TMEM87B: variants seen among roughly 807,000 people sequenced by gnomAD.
TMEM87B encodes the protein transmembrane protein 87B.
In TMEM87B, 83 loss-of-function variants were observed where a neutral mutation model predicts 80.3. The ratio of observed to expected loss-of-function variants is 1.03; its 90% confidence interval spans 0.87 to 1.24. The LOEUF (loss-of-function observed/expected upper bound fraction) is 1.24, where lower values mean the gene tolerates loss of function less well. Ranked by LOEUF, TMEM87B falls within the 50% of genes most tolerant of loss-of-function variation. TMEM87B has a pLI of 0.00. For missense variants in TMEM87B, 625 were observed against 674.4 expected, an observed-to-expected ratio of 0.93 and a Z score of 0.81; for synonymous variants, 219 against 230.5, an observed-to-expected ratio of 0.95 and a Z score of 0.45.
At chr2:112,095,517 T>A (rs1249262547) in intron 11 of TMEM87B, 1 of 907,994 alleles carries the variant, frequency 1.1e-6, no homozygotes, top group Non-Finnish European at 1.3e-6. Flanking sequence ...GATTTTTTTT[T>A]AATCCTAGAA....
intron 5 of TMEM87B, 72 bp from the exon 6 acceptor site, chr2:112,077,120 A>G: frequency 3.0e-6 from 2 of 669,494 alleles, no homozygotes; most frequent in Admixed American, 2.8e-5. Context: ...AAAATATGGC[A>G]AACAGTTGTT....
intron 14 of TMEM87B, among the ~76,000 whole-genome samples, chr2:112,100,054 T>C (rs1679588345): frequency 6.6e-6 from 1 of 152,228 alleles, no homozygotes; most frequent in Admixed American, 6.5e-5. Flanking sequence ...AGATTTTTGC[T>C]ATTATCAATA....
intron 5 of TMEM87B, among the ~76,000 whole-genome samples, chr2:112,076,238 C>G (rs944417654): frequency 6.6e-6 from 1 of 151,772 alleles, no homozygotes; most frequent in East Asian, 1.9e-4. Context: ...GGTGACAGAG[C>G]GAGACTCCAT....
intron 8 of TMEM87B, among the ~76,000 whole-genome samples, chr2:112,083,677 A>G (rs540646151): frequency 1.3e-5 from 2 of 152,182 alleles, no homozygotes; most frequent in South Asian, 2.1e-4. Flanking sequence ...GGTGATTCCA[A>G]TATGCATCTA....
chr2:112,072,357 C>T (rs1043471378), intron 4 of TMEM87B, among the ~76,000 whole-genome samples: 1 of 152,096 alleles, frequency 6.6e-6, no homozygotes, highest in African/African-American at 2.4e-5. Flanking sequence ...GGAATGGTAC[C>T]AGCTCTTCTT....
chr2:112,079,765 CTCTT>C (rs985663900), intron 6 of TMEM87B, among the ~76,000 whole-genome samples: 2 of 152,148 alleles, frequency 1.3e-5, no homozygotes, highest in African/African-American at 4.8e-5. Context: ...AGCACTTACT[CTCTT>C]TCATCTTTTT....
At chr2:112,067,323 C>T (rs1018739944) in intron 4 of TMEM87B, among the ~76,000 whole-genome samples, 3 of 152,222 alleles carry the variant, frequency 2.0e-5, no homozygotes, top group East Asian at 3.9e-4. Context: ...AAGTAAGATA[C>T]GTGGCTGGGC....
chr2:112,061,834 C>T (rs1163387860), intron 2 of TMEM87B, among the ~76,000 whole-genome samples: 3 of 152,192 alleles, frequency 2.0e-5, no homozygotes, highest in Non-Finnish European at 2.9e-5. Context: ...AGGGTTTAGT[C>T]AGGCAAATGC....
Position 112,097,296 on chromosome 2 carries a change from G to A in TMEM87B, c.1272+5G>A. On this transcript the variant is annotated splice_donor_5th_base_variant and intron_variant, in intron 13 of 18. Transcript: ENST00000283206. Reference sequence around the variant, plus strand: ...AGAATTGCAAAATGCCAATCAGTAAGTATAACCTTCCTATTTAAACAGTTA... The same window carrying A: ...AGAATTGCAAAATGCCAATCAGTAAATATAACCTTCCTATTTAAACAGTTA... The A allele has an allele frequency of 6.3e-7, 1 of 1,591,848 alleles. No homozygotes were observed. Among genetic ancestry groups the A allele is most frequent in the Non-Finnish European group, 8.5e-7 (1 of 1,171,368 alleles).
chr2:112,107,335 G>A (rs1479528284), intron 16 of TMEM87B, among the ~76,000 whole-genome samples: 1 of 146,158 alleles, frequency 6.8e-6, no homozygotes, highest in Admixed American at 6.9e-5. Context: ...TCCAGCCTGG[G>A]CGACAGAGTC....
chr2:112,073,439 C>T (rs1022043138), intron 4 of TMEM87B, among the ~76,000 whole-genome samples: 1 of 152,132 alleles, frequency 6.6e-6, no homozygotes, highest in African/African-American at 2.4e-5. Flanking sequence ...ATCTTGATTT[C>T]CAATTTTATT....
chr2:112,076,860 G>GTC lies in TMEM87B; in HGVS notation c.502-331_502-330insCT, dbSNP rs2104470674. On this transcript the variant is annotated intron_variant, in intron 5 of 18. Coordinates refer to ENST00000283206, the MANE Select transcript of TMEM87B (RefSeq NM_032824.3). ...TTCTGTTTTGTGTGTGTGTGTGTGT[G>GTC]TGTGTGTGTGTGTGTGTGTGTGTGT... 4.8e-5 allele frequency among the ~76,000 whole-genome samples: 2 copies of GTC among 41,620 alleles called. 1 individual carries two copies. The highest frequency in any genetic ancestry group is 1.2e-3 in the South Asian group (2 of 1,706). 27.3% of individuals were successfully genotyped at this position (41,620 alleles called of 152,430 possible).
intron 18 of TMEM87B, 76 bp downstream of exon 18, chr2:112,113,005 GAA>G (rs892342036): frequency 7.5e-7 from 1 of 1,336,092 alleles, no homozygotes; most frequent in Non-Finnish European, 1.1e-6. Context: ...AAGAAGTTCT[GAA>G]AGCTACTTTT....
At chr2:112,080,111 T>G (rs1678944879) in intron 6 of TMEM87B, among the ~76,000 whole-genome samples, 1 of 151,456 alleles carries the variant, frequency 6.6e-6, no homozygotes, top group Non-Finnish European at 1.5e-5. Context: ...TCTGTTTTTA[T>G]TAGAGACGGG....
chr2:112,064,289 T>G (rs201857297), intron 3 of TMEM87B, 36 bp downstream of exon 3: 380 of 1,562,130 alleles, frequency 2.4e-4, no homozygotes, highest in Non-Finnish European at 3.1e-4. Context: ...TATATAAAGC[T>G]ATGAAGGAAA....
At position 112,081,093 on chromosome 2, in the gene TMEM87B, C is replaced by G. The variant is rs1384477723; in HGVS notation, c.629C>G (p.Ser210Cys). 3.1e-6 allele frequency: 5 copies of G among 1,612,852 alleles called. No individual in the cohort carries two copies. Among genetic ancestry groups the G allele is most frequent in the Non-Finnish European group, 3.4e-6 (4 of 1,179,784 alleles). The change falls in exon 7 of 19, where the codon TCT becomes TGT. Residue 210 changes from serine to cysteine, a missense_variant. Transcript: ENST00000283206. ...LSMIGPHGYI[S>C]ASDWPLMIFY... ...ATGATTGGGCCTCATGGATATATCT[C>G]TGCATCAGATTGGCCCCTAATGATT...
In TMEM87B at chr2:112,055,676, G is replaced by A; in HGVS notation, c.85G>A (p.Ala29Thr). The A allele has an allele frequency of 4.4e-6, 7 of 1,585,728 alleles. No individual in the cohort carries two copies. The highest frequency in any genetic ancestry group is 6.0e-6 in the Non-Finnish European group (7 of 1,168,956). ...FPARAPLLRVALCLLCWTPAA... is the reference protein window; with the variant it reads ...FPARAPLLRVTLCLLCWTPAA... The stretch of plus-strand genomic sequence containing the variant: ...CGCCCGGGCCCCGCTGCTGCGCGTC[G>A]CCCTCTGCCTCCTGTGCTGGACCCC... The change falls in exon 1 of 19, where the codon GCC becomes ACC. Residue 29 changes from alanine to threonine, a missense_variant. By Grantham distance (58) the Ala-to-Thr change is moderately conservative. Transcript: ENST00000283206.
At position 112,081,437 on chromosome 2, in the gene TMEM87B, G is replaced by T. The variant is rs1214626431; in HGVS notation, c.757G>T (p.Ala253Ser). The T allele has an allele frequency of 6.2e-7, 1 of 1,613,688 alleles. No individual in the cohort carries two copies. Among genetic ancestry groups the T allele is most frequent in the African/African-American group, 1.3e-5 (1 of 74,900 alleles). The change falls in exon 8 of 19, where the codon GCA becomes TCA. Residue 253 changes from alanine (A) to serine (S), a missense_variant. Transcript: ENST00000283206. ...KDILRIQFWI[A>S]AVIFLGMLEK... ...TATATTAAGAATCCAGTTCTGGATT[G>T]CAGCTGTTATTTTTTTGGGAATGCT...
chr2:112,075,032 G>C, intron 5 of TMEM87B, 70 bp downstream of exon 5: 1 of 1,524,884 alleles, frequency 6.6e-7, no homozygotes, highest in Non-Finnish European at 8.9e-7. Flanking sequence ...AGTCGCTGAT[G>C]GATAGATACT....
Sources: gnomAD v4.1 joint callset for allele counts (sites outside exome capture counted in the v4.1 genomes callset) on GRCh38, gnomAD v4.1.1 for gene constraint, MANE v1.5 for transcripts, NCBI Gene and HGNC (gene_info 2026-07-23, HGNC 2026-07-21) for gene names.